UBE2V1: variants seen among roughly 807,000 people sequenced by gnomAD.
UBE2V1 encodes the protein ubiquitin-conjugating enzyme E2 variant 1.
In UBE2V1, 15 loss-of-function variants were observed where a neutral mutation model predicts 19.6. That is an observed-to-expected ratio of 0.77 (90% CI 0.51 to 1.18). The LOEUF (loss-of-function observed/expected upper bound fraction) is 1.18, where lower values mean the gene tolerates loss of function less well. Ranked by LOEUF, UBE2V1 falls within the 50% of genes most tolerant of loss-of-function variation. UBE2V1 has a pLI of 0.00. For missense variants in UBE2V1, 125 were observed against 184.8 expected, an observed-to-expected ratio of 0.68 and a Z score of 1.88; for synonymous variants, 60 against 60.7, an observed-to-expected ratio of 0.99 and a Z score of 0.05.
chr20:50,091,854 G>A (rs991469461), intron 2 of UBE2V1, among the ~76,000 whole-genome samples: 1 of 152,170 alleles, frequency 6.6e-6, no homozygotes, highest in African/African-American at 2.4e-5. Context: ...CAGCAAAAGT[G>A]GGTAGAACCA....
At chr20:50,105,381 T>G (rs978382779) in intron 1 of UBE2V1, among the ~76,000 whole-genome samples, 1 of 152,198 alleles carries the variant, frequency 6.6e-6, no homozygotes, top group Non-Finnish European at 1.5e-5. Flanking sequence ...GAAAAGCTCA[T>G]CCTATCCTAA....
chr20:50,086,406 C>T (rs971614720), intron 2 of UBE2V1, among the ~76,000 whole-genome samples: 24 of 152,084 alleles, frequency 1.6e-4, no homozygotes, highest in African/African-American at 5.8e-4. Context: ...TTTCTCTTCA[C>T]ACTTTTATAT....
chr20:50,109,922 T>C (rs1424813546), intron 1 of UBE2V1, among the ~76,000 whole-genome samples: 1 of 152,216 alleles, frequency 6.6e-6, no homozygotes, highest in Non-Finnish European at 1.5e-5. Context: ...GCTCACACAG[T>C]GAGACATACA....
intron 2 of UBE2V1, among the ~76,000 whole-genome samples, chr20:50,087,393 CA>C (rs10716682): frequency 0.36 from 35,966 of 101,198 alleles, 4,060 homozygotes; most frequent in Middle Eastern, 0.52. Context: ...GACACTTTGT[CA>C]AAAAAAAAAA....
intron 1 of UBE2V1, among the ~76,000 whole-genome samples, chr20:50,108,319 G>A (rs1165486759): frequency 6.6e-6 from 1 of 152,146 alleles, no homozygotes; most frequent in South Asian, 2.1e-4. Flanking sequence ...GTGACAGGGT[G>A]GATGTGAAGA....
intron 1 of UBE2V1, among the ~76,000 whole-genome samples, chr20:50,105,752 A>T (rs534175871): frequency 6.6e-6 from 1 of 152,276 alleles, no homozygotes; most frequent in African/African-American, 2.4e-5. Context: ...CAACATGGTG[A>T]AACCCCATCT....
At chr20:50,090,294 G>A (rs1293727959) in intron 2 of UBE2V1, among the ~76,000 whole-genome samples, 1 of 152,082 alleles carries the variant, frequency 6.6e-6, no homozygotes, top group Non-Finnish European at 1.5e-5. Flanking sequence ...GCCAATATAT[G>A]GAAACAACTT....
At chr20:50,088,593 C>A (rs2079053356) in intron 2 of UBE2V1, among the ~76,000 whole-genome samples, 1 of 152,070 alleles carries the variant, frequency 6.6e-6, no homozygotes, top group Non-Finnish European at 1.5e-5. Context: ...CAAGACCAGC[C>A]TGGGCAACAA....
chr20:50,105,534 T>C (rs1171882352), intron 1 of UBE2V1, among the ~76,000 whole-genome samples: 1 of 152,260 alleles, frequency 6.6e-6, no homozygotes, highest in Non-Finnish European at 1.5e-5. Flanking sequence ...TTTGGTCCTC[T>C]AGCACTTTAA....
At position 50,109,158 on chromosome 20, in the gene UBE2V1, T is replaced by C. The variant is rs186196777; in HGVS notation, c.22+3949A>G. On this transcript the variant is annotated intron_variant, in intron 1 of 3. Transcript: ENST00000371674. ...AACATCACAGGTAAGTCGAAGTCTATGGGACACTCTAAAGCACTATCCACA... is the reference window on the plus strand; with the variant it reads ...AACATCACAGGTAAGTCGAAGTCTACGGGACACTCTAAAGCACTATCCACA... The C allele has an allele frequency of 4.1e-6, 4 of 983,918 alleles. No homozygotes were observed. In the East Asian group the frequency reaches 3.4e-4, roughly 84 times the overall value. 60.9% of individuals were successfully genotyped at this position (983,918 alleles called of 1,614,324 possible). A position where few individuals can be genotyped will look rare whatever the true frequency, so the allele number is the denominator to read the frequency against.
Position 50,082,576 on chromosome 20 carries a change from T to C in UBE2V1, c.*192A>G. Reference sequence around the variant, plus strand: ...ACAGGATGATTTGTTATAGCACAACTTATATATTTCAAATGGACAAAAAAT... The same window carrying C: ...ACAGGATGATTTGTTATAGCACAACCTATATATTTCAAATGGACAAAAAAT... On this transcript the variant is annotated 3_prime_UTR_variant, in exon 4 of 4. Transcript: ENST00000371674. The C allele has an allele frequency of 9.4e-7, 1 of 1,059,640 alleles. No individual in the cohort carries two copies. The highest frequency in any genetic ancestry group is 1.3e-6 in the Non-Finnish European group (1 of 766,332). The allele number at this position is 1,059,640 out of a possible 1,614,324, so 65.6% of individuals were successfully genotyped here.
At chr20:50,094,035 ATAT>A (rs1555876589) in intron 2 of UBE2V1, among the ~76,000 whole-genome samples, 15,899 of 112,568 alleles carry the variant, frequency 0.14, 1,314 homozygotes, top group South Asian at 0.2. Flanking sequence ...TAATAATAAA[ATAT>A]ATATATATAA....
chr20:50,115,462 T>C (rs752010627), upstream of UBE2V1: 3 of 1,537,844 alleles, frequency 2.0e-6, no homozygotes, highest in African/African-American at 2.8e-5. Flanking sequence ...GTGGAAGCAT[T>C]TGGGTTCCTA....
chr20:50,115,147 C>T (rs1383394381), upstream of UBE2V1: 2 of 212,216 alleles, frequency 9.4e-6, no homozygotes, highest in Non-Finnish European at 1.8e-5. Flanking sequence ...CTGAGACTTT[C>T]TGTACCTCTG....
Position 50,109,148 on chromosome 20 carries a change from T to C in UBE2V1, c.22+3959A>G, listed in dbSNP as rs6095765. 1,211 of 985,214 alleles carry C rather than the reference T, an allele frequency of 1.2e-3. 10 individuals carry two copies. The African/African-American group carries it at 0.02, about 16-fold the overall frequency. The allele number at this position is 985,214 out of a possible 1,614,324, so 61.0% of individuals were successfully genotyped here. On this transcript the variant is annotated intron_variant, in intron 1 of 3. Coordinates refer to ENST00000371674, the MANE Select transcript of UBE2V1 (RefSeq NM_001032288.3). ...TAGATGAGACAACATCACAGGTAAGTCGAAGTCTATGGGACACTCTAAAGC... is the reference window on the plus strand; with the variant it reads ...TAGATGAGACAACATCACAGGTAAGCCGAAGTCTATGGGACACTCTAAAGC...
chr20:50,115,615 A>G, upstream of UBE2V1: 1 of 1,421,998 alleles, frequency 7.0e-7, no homozygotes, highest in Non-Finnish European at 9.4e-7. Context: ...TCAACCTCAT[A>G]GGATTGCTGT....
At chr20:50,086,018 TTC>T (rs1159870913) in intron 2 of UBE2V1, among the ~76,000 whole-genome samples, 2 of 152,182 alleles carry the variant, frequency 1.3e-5, no homozygotes, top group Admixed American at 1.3e-4. Context: ...CCAAGTCTCT[TTC>T]TCTCTTGCTC....
chr20:50,107,834 C>T (rs905695438), intron 1 of UBE2V1, among the ~76,000 whole-genome samples: 7 of 152,114 alleles, frequency 4.6e-5, no homozygotes, highest in Non-Finnish European at 8.8e-5. Context: ...AAATATGCAA[C>T]GAAACAACAC....
chr20:50,093,987 C>CAA (rs60174191), intron 2 of UBE2V1, among the ~76,000 whole-genome samples: 426 of 56,172 alleles, frequency 7.6e-3, no homozygotes, highest in Non-Finnish European at 0.01. Context: ...GACTCCAACT[C>CAA]AAAAAAAAAA....
Sources: allele counts gnomAD v4.1 joint callset (sites outside exome capture counted in the v4.1 genomes callset), GRCh38; gene constraint gnomAD v4.1.1; transcripts MANE v1.5; gene names NCBI Gene and HGNC (gene_info 2026-07-23, HGNC 2026-07-21).